The following SSBP3 variants were observed in gnomAD, a reference collection of about 807,000 sequenced individuals.
The protein encoded by SSBP3 is single stranded DNA binding protein 3, also known as single-stranded DNA-binding protein 3.
A neutral mutation model predicts 69.6 loss-of-function variants in SSBP3; 5 were observed. The ratio of observed to expected loss-of-function variants is 0.07; its 90% CI spans 0.04 to 0.15. SSBP3 has a LOEUF of 0.15. Ranked by LOEUF, SSBP3 falls within the 10% of genes least tolerant of loss-of-function variation. SSBP3 has a pLI of 1.00. For missense variants in SSBP3, 312 were observed against 534.0 expected, an observed-to-expected ratio of 0.58 and a Z score of 4.10; for synonymous variants, 196 against 193.4, an observed-to-expected ratio of 1.01 and a Z score of -0.11.
upstream of SSBP3, among the ~76,000 whole-genome samples, chr1:54,407,749 ATTTTTTTTTTTTT>A (rs532968816): frequency 1.0e-5 from 1 of 97,534 alleles, no homozygotes; most frequent in African/African-American, 4.7e-5. Context: ...GCCTAGGTTG[ATTTTTTTTTTTTT>A]TTTTTTTTTT....
chr1:54,354,437 C>A (rs1646831233), intron 4 of SSBP3, among the ~76,000 whole-genome samples: 1 of 152,122 alleles, frequency 6.6e-6, no homozygotes, highest in African/African-American at 2.4e-5. Context: ...ACAGGAGAGA[C>A]ACGAGGCAGT....
intron 17 of SSBP3, among the ~76,000 whole-genome samples, chr1:54,227,617 A>T (rs138741417): frequency 0.054 from 8,240 of 151,868 alleles, 290 homozygotes; most frequent in Middle Eastern, 0.082. Context: ...TCACTCTGTC[A>T]CTCAGGCTGG....
At chr1:54,318,313 T>C (rs1278031846) in intron 4 of SSBP3, among the ~76,000 whole-genome samples, 2 of 152,202 alleles carry the variant, frequency 1.3e-5, no homozygotes, top group Non-Finnish European at 2.9e-5. Context: ...AGCCATAATT[T>C]TCAATATAGA....
chr1:54,348,970 C>T (rs1353001210), intron 4 of SSBP3, among the ~76,000 whole-genome samples: 2 of 152,212 alleles, frequency 1.3e-5, no homozygotes, highest in African/African-American at 2.4e-5. Flanking sequence ...GCTAAAAACC[C>T]AGCCCGATGA....
In SSBP3 at chr1:54,230,699, C is replaced by T. The variant is rs1218289182; in HGVS notation, c.928-1873G>A. The stretch of plus-strand genomic sequence containing the variant: ...TGTCCTCCTCCAACGCCCCCGGCCC[C>T]AGGCAAACACTAATCTACTTTCTGT... On this transcript the variant is annotated intron_variant, in intron 14 of 17. Coordinates refer to ENST00000610401, the Ensembl canonical transcript of SSBP3. Among the ~76,000 whole-genome samples the T allele has an allele frequency of 2.6e-5, 4 of 152,294 alleles. No individual in the cohort carries two copies. In the East Asian group the frequency reaches 7.7e-4, roughly 29 times the overall value.
At position 54,401,983 on chromosome 1, in the gene SSBP3, T is replaced by C. The variant is rs568359701; in HGVS notation, c.192-38A>G. 11 of 1,583,202 alleles carry C rather than the reference T, an allele frequency of 6.9e-6. No homozygotes were observed. The South Asian group carries it at 1.1e-4, about 16-fold the overall frequency. On this transcript the variant is annotated intron_variant, in intron 3 of 17. Coordinates refer to ENST00000610401, the Ensembl canonical transcript of SSBP3. Reference sequence around the variant, plus strand: ...AAATAAAATAAGGTCAGGTTACTAATTATTACTTGTGTACACAAGGGCAAG... The same window carrying C: ...AAATAAAATAAGGTCAGGTTACTAACTATTACTTGTGTACACAAGGGCAAG...
At chr1:54,305,045 A>G (rs936413580) in intron 4 of SSBP3, among the ~76,000 whole-genome samples, 4 of 152,186 alleles carry the variant, frequency 2.6e-5, no homozygotes, top group Non-Finnish European at 5.9e-5. Flanking sequence ...GAGATTTACC[A>G]TAACCAGAGA....
At chr1:54,343,991 A>G (rs567544479) in intron 4 of SSBP3, among the ~76,000 whole-genome samples, 20 of 152,148 alleles carry the variant, frequency 1.3e-4, no homozygotes, top group African/African-American at 4.8e-4. Context: ...GGATCCAAGA[A>G]GACCCGAAGG....
At chr1:54,235,305 A>ATC in intron 14 of SSBP3, among the ~76,000 whole-genome samples, 1 of 133,930 alleles carries the variant, frequency 7.5e-6, no homozygotes, top group East Asian at 2.2e-4. Flanking sequence ...TTTTTGAGAC[A>ATC]GAGTCTCACT....
At position 54,243,217 on chromosome 1, in the gene SSBP3, G is replaced by A. The variant is rs780738974; in HGVS notation, c.716+18C>T. The A allele has an allele frequency of 1.3e-5, 21 of 1,612,580 alleles. No individual in the cohort carries two copies. The highest frequency in any genetic ancestry group is 5.0e-5 in the Admixed American group (3 of 59,990). On this transcript the variant is annotated intron_variant, in intron 10 of 17. Coordinates refer to ENST00000610401, the Ensembl canonical transcript of SSBP3. The stretch of plus-strand genomic sequence containing the variant: ...AGACCTGGACTCTGAGCCACGGGCC[G>A]GGTCGTTTTTGCCTTACATGTTAAT...
chr1:54,363,324 G>C (rs972006875), intron 4 of SSBP3, among the ~76,000 whole-genome samples: 1 of 152,166 alleles, frequency 6.6e-6, no homozygotes, highest in African/African-American at 2.4e-5. Context: ...CATCTCAAAA[G>C]GGAAGACCCA....
chr1:54,239,278 A>C, intron 13 of SSBP3, 79 bp from the exon 14 acceptor site: 6 of 1,125,404 alleles, frequency 5.3e-6, no homozygotes, highest in Non-Finnish European at 7.7e-6. Flanking sequence ...ACTGGAACTC[A>C]TTCTTTTGTA....
At chr1:54,251,743 G>A in intron 8 of SSBP3, 51 bp from the exon 9 acceptor site, 1 of 1,591,754 alleles carries the variant, frequency 6.3e-7, no homozygotes, top group Non-Finnish European at 8.6e-7. Context: ...GAGGGAGGAG[G>A]AGCCCCTCCT....
intron 4 of SSBP3, among the ~76,000 whole-genome samples, chr1:54,376,772 C>T (rs760176162): frequency 2.8e-4 from 43 of 152,216 alleles, no homozygotes; most frequent in Non-Finnish European, 5.1e-4. Context: ...TATTTACAAA[C>T]GGCGATGCAA....
intron 4 of SSBP3, among the ~76,000 whole-genome samples, chr1:54,391,655 T>C (rs980934576): frequency 6.6e-6 from 1 of 152,094 alleles, no homozygotes; most frequent in Non-Finnish European, 1.5e-5. Flanking sequence ...CAGAGGACTG[T>C]GAAACAGAAG....
intron 5 of SSBP3, among the ~76,000 whole-genome samples, chr1:54,276,653 G>A (rs529145745): frequency 7.2e-6 from 1 of 139,596 alleles, no homozygotes; most frequent in East Asian, 2.3e-4. Context: ...TACTTTCTGA[G>A]CATTGGCCAC....
At chr1:54,385,098 C>T (rs1173781321) in intron 4 of SSBP3, among the ~76,000 whole-genome samples, 3 of 152,154 alleles carry the variant, frequency 2.0e-5, no homozygotes, top group Non-Finnish European at 4.4e-5. Context: ...TCATCCTGAG[C>T]GCAGATCCCT....
intron 5 of SSBP3, among the ~76,000 whole-genome samples, chr1:54,275,301 G>A (rs776021769): frequency 1.3e-5 from 2 of 152,208 alleles, no homozygotes; most frequent in Non-Finnish European, 2.9e-5. Context: ...CCAGCGCCCC[G>A]CCACCAAGCT....
intron 4 of SSBP3, among the ~76,000 whole-genome samples, chr1:54,284,354 A>T (rs1645449744): frequency 6.6e-6 from 1 of 151,972 alleles, no homozygotes; most frequent in Non-Finnish European, 1.5e-5. Context: ...AATGGTTTGC[A>T]TTGGCCACTT....
Sources: gnomAD v4.1 joint callset for allele counts (sites outside exome capture counted in the v4.1 genomes callset) on GRCh38, gnomAD v4.1.1 for gene constraint, MANE v1.5 for transcripts, NCBI Gene and HGNC (gene_info 2026-07-23, HGNC 2026-07-21) for gene names.